ANKRD28: variants seen among roughly 807,000 people sequenced by gnomAD.
ANKRD28 encodes serine/threonine-protein phosphatase 6 regulatory ankyrin repeat subunit A.
Under a neutral mutation model 126.5 loss-of-function variants are expected in ANKRD28, and 44 were observed. The observed-to-expected ratio is 0.35, with a 90% CI of 0.27 to 0.45. ANKRD28 has a LOEUF of 0.45. Among genes scored for constraint, ANKRD28 ranks in the 20% least tolerant of loss-of-function variants. The pLI is 1.00. For missense variants in ANKRD28, 1,110 were observed against 1,316.6 expected (o/e 0.84, Z 2.43); for synonymous variants, 442 against 468.5 (o/e 0.94, Z 0.73).
At chr3:15,859,489 G>T in exon 1 of ANKRD28, 1 of 1,300,276 alleles carries the variant, frequency 7.7e-7, no homozygotes, top group Non-Finnish European at 1.0e-6. Flanking sequence ...TCCCGCCCCA[G>T]TAGCCTTGGC....
chr3:15,746,834 T>A lies in ANKRD28; in HGVS notation c.351+4916A>T, dbSNP rs529507931. On this transcript the variant is annotated intron_variant, in intron 4 of 27. Transcript: ENST00000683139. ...TGAATCTATCCAGTCCTGGACTTTT[T>A]ATTTGCTGGCAATTTTTAAAATTAT... 3.9e-5 allele frequency among the ~76,000 whole-genome samples: 6 copies of A among 152,350 alleles called. No individual in the cohort carries two copies. In the South Asian group the frequency reaches 1.0e-3, roughly 26 times the overall value.
chr3:15,678,279 G>T lies in ANKRD28; in HGVS notation c.2637C>A (p.Val879=). ...LQLLLSHNAQ[V]NSVDSTGKTP... is the part of the protein sequence containing the mutation. ...TTTTCCCTGTAGAGTCCACAGAATT[G>T]ACTTGAGCATTATGGCTGAGCAGCA... is the stretch of plus-strand genomic sequence containing the variant. Residue 879 remains valine, a synonymous_variant, in exon 24 of 28, where the codon GTC becomes GTA. Coordinates refer to ENST00000683139, the MANE Select transcript of ANKRD28 (RefSeq NM_001349278.2). 1 of 1,613,086 alleles carries T rather than the reference G, an allele frequency of 6.2e-7. No homozygotes were observed. The highest frequency in any genetic ancestry group is 1.1e-5 in the South Asian group (1 of 91,050).
At chr3:15,766,414 T>G in intron 2 of ANKRD28, 102 bp from the exon 3 acceptor site, 1 of 778,548 alleles carries the variant, frequency 1.3e-6, no homozygotes, top group Non-Finnish European at 2.1e-6. Context: ...ACCAAACCAT[T>G]ATTAACTATC....
At chr3:15,783,004 T>A (rs181728984) in intron 2 of ANKRD28, among the ~76,000 whole-genome samples, 1 of 151,986 alleles carries the variant, frequency 6.6e-6, no homozygotes, top group African/African-American at 2.4e-5. Context: ...CTAGAAGATA[T>A]GAGCAAAACA....
At chr3:15,760,214 A>G (rs2058381575) in intron 3 of ANKRD28, among the ~76,000 whole-genome samples, 1 of 152,166 alleles carries the variant, frequency 6.6e-6, no homozygotes, top group Non-Finnish European at 1.5e-5. Flanking sequence ...AAGAGGAGAG[A>G]GAGGTTCAGG....
rs180729041 is a variant in ANKRD28 at position 15,708,103 on chromosome 3, G to A, written c.1407-39C>T. The A allele has an allele frequency of 7.3e-5, 114 of 1,566,646 alleles. No individual in the cohort carries two copies. In the African/African-American group the frequency reaches 1.5e-3, roughly 21 times the overall value. ...GTTAATACAAGAAAGATAAAAGCCA[G>A]AGACATAACTAGTAAACAAAAGCAT... On this transcript the variant is annotated intron_variant, in intron 13 of 27. Coordinates refer to ENST00000683139, the MANE Select transcript of ANKRD28 (RefSeq NM_001349278.2).
chr3:15,694,369 G>A (rs2069224572), intron 17 of ANKRD28, among the ~76,000 whole-genome samples: 2 of 152,124 alleles, frequency 1.3e-5, no homozygotes, highest in South Asian at 4.1e-4. Context: ...ACCACAGAAT[G>A]TGTGTGTATA....
At chr3:15,751,871 T>A in intron 3 of ANKRD28, 51 bp from the exon 4 acceptor site, 2 of 1,220,024 alleles carry the variant, frequency 1.6e-6, no homozygotes, top group Non-Finnish European at 2.3e-6. Context: ...AAAATATTTT[T>A]AATAAATCTC....
At chr3:15,840,275 A>T (rs2061401151) in intron 1 of ANKRD28, among the ~76,000 whole-genome samples, 1 of 152,228 alleles carries the variant, frequency 6.6e-6, no homozygotes, top group Admixed American at 6.5e-5. Flanking sequence ...AAAAGAAATC[A>T]AGAAAGTAAT....
chr3:15,827,336 A>G (rs1295458860), intron 1 of ANKRD28, among the ~76,000 whole-genome samples: 1 of 152,214 alleles, frequency 6.6e-6, no homozygotes, highest in Non-Finnish European at 1.5e-5. Context: ...TTACAGCATT[A>G]TTCAAAATAG....
chr3:15,822,637 T>C (rs1367508328), intron 1 of ANKRD28, among the ~76,000 whole-genome samples: 2 of 151,900 alleles, frequency 1.3e-5, no homozygotes, highest in Non-Finnish European at 2.9e-5. Context: ...CTGAATTTAC[T>C]AGACAAAGAC....
intron 1 of ANKRD28, among the ~76,000 whole-genome samples, chr3:15,827,353 C>T (rs1038763944): frequency 1.3e-5 from 2 of 152,098 alleles, no homozygotes; most frequent in African/African-American, 4.8e-5. Flanking sequence ...ATAGCCAAAA[C>T]ATAGAATCAA....
rs2066178246 is a variant in ANKRD28 at position 15,669,794 on chromosome 3, A to G, written c.*476T>C. 1 of 152,900 alleles carries G rather than the reference A, an allele frequency of 6.5e-6. No homozygotes were observed. Among genetic ancestry groups the G allele is most frequent in the Non-Finnish European group, 1.5e-5 (1 of 68,258 alleles). 9.5% of individuals were successfully genotyped at this position (152,900 alleles called of 1,614,324 possible). On this transcript the variant is annotated 3_prime_UTR_variant, in exon 28 of 28. Coordinates refer to ENST00000683139, the MANE Select transcript of ANKRD28 (RefSeq NM_001349278.2). Reference sequence around the variant, plus strand: ...ATTTAATCTACTCCAGTTTCCACAAAATGGCATTTTATTAAAAAAACCTTT... The same window carrying G: ...ATTTAATCTACTCCAGTTTCCACAAGATGGCATTTTATTAAAAAAACCTTT...
chr3:15,691,169 C>T (rs1350307929), intron 17 of ANKRD28, among the ~76,000 whole-genome samples: 1 of 150,860 alleles, frequency 6.6e-6, no homozygotes. Flanking sequence ...TGTCACCAGG[C>T]TGGAGTGCAG....
intron 1 of ANKRD28, among the ~76,000 whole-genome samples, chr3:15,835,872 A>G (rs961184240): frequency 6.6e-6 from 1 of 152,250 alleles, no homozygotes; most frequent in Non-Finnish European, 1.5e-5. Flanking sequence ...ATGAATCCAC[A>G]GGAAGAAATA....
In ANKRD28 at chr3:15,754,090, C is replaced by T. The variant is rs941767902; in HGVS notation, c.281-2270G>A. 2.0e-5 allele frequency among the ~76,000 whole-genome samples: 3 copies of T among 152,220 alleles called. No individual in the cohort carries two copies. The East Asian group carries it at 5.8e-4, about 29-fold the overall frequency. ...GAAGAGATAATTATTTTTATCTTATCACACAATGGTCCCCCCTTGTTTCAC... is the reference window on the plus strand; with the variant it reads ...GAAGAGATAATTATTTTTATCTTATTACACAATGGTCCCCCCTTGTTTCAC... On this transcript the variant is annotated intron_variant, in intron 3 of 27. Coordinates refer to ENST00000683139, the MANE Select transcript of ANKRD28 (RefSeq NM_001349278.2).
At chr3:15,810,355 C>T (rs572770104) in intron 1 of ANKRD28, among the ~76,000 whole-genome samples, 118 of 151,528 alleles carry the variant, frequency 7.8e-4, no homozygotes, top group African/African-American at 2.9e-3. Flanking sequence ...CTTGTAGGAA[C>T]TGAGACATAA....
Position 15,713,520 on chromosome 3 carries a change from T to C in ANKRD28, c.1190+7A>G. On this transcript the variant is annotated splice_region_variant and intron_variant, in intron 10 of 27. Transcript: ENST00000683139. ...TATCAGTTATCAACACCTCGGTAAG[T>C]ACTTACTTTGCAGTGTCAGCACCAC... 1.9e-6 allele frequency: 3 copies of C among 1,607,582 alleles called. No individual in the cohort carries two copies. The highest frequency in any genetic ancestry group is 2.5e-6 in the Non-Finnish European group (3 of 1,176,792).
chr3:15,674,425 G>T (rs559013861), intron 27 of ANKRD28, among the ~76,000 whole-genome samples: 27 of 152,230 alleles, frequency 1.8e-4, no homozygotes, highest in Middle Eastern at 3.4e-3. Context: ...TGTCTTCAAT[G>T]GAGAGAGCAT....
Sources: gnomAD v4.1 joint callset for allele counts (sites outside exome capture counted in the v4.1 genomes callset) on GRCh38, gnomAD v4.1.1 for gene constraint, MANE v1.5 for transcripts, NCBI Gene and HGNC (gene_info 2026-07-23, HGNC 2026-07-21) for gene names.